USP28: variants seen among roughly 807,000 people sequenced by gnomAD.
The protein encoded by USP28 is ubiquitin specific peptidase 28.
A neutral mutation model predicts 145.0 loss-of-function variants in USP28; 113 were observed. The observed-to-expected ratio is 0.78, with a 90% confidence interval of 0.67 to 0.91. USP28 has a LOEUF of 0.91. USP28 is among the 40% of genes least tolerant of loss of function. The pLI is 0.00. For missense variants in USP28, 1,201 were observed against 1,289.6 expected, an observed-to-expected ratio of 0.93 and a Z score of 1.05; for synonymous variants, 447 against 450.9, an observed-to-expected ratio of 0.99 and a Z score of 0.11.
chr11:113,850,657 G>C (rs1003632244), intron 3 of USP28, among the ~76,000 whole-genome samples: 5 of 152,168 alleles, frequency 3.3e-5, no homozygotes, highest in Admixed American at 1.3e-4. Context: ...GTGGCTTCCA[G>C]AGTCCCATTC....
intron 16 of USP28, among the ~76,000 whole-genome samples, chr11:113,810,805 G>A (rs1363613940): frequency 6.6e-6 from 1 of 152,196 alleles, no homozygotes; most frequent in East Asian, 1.9e-4. Flanking sequence ...CTCCCAAGTA[G>A]GTGGGATTAC....
intron 18 of USP28, among the ~76,000 whole-genome samples, chr11:113,807,400 C>T (rs982658328): frequency 5.3e-5 from 8 of 151,548 alleles, no homozygotes; most frequent in Non-Finnish European, 1.5e-5. Context: ...TTTTTAAATA[C>T]CCCACAGAAA....
At chr11:113,810,319 C>T (rs956475795) in intron 16 of USP28, among the ~76,000 whole-genome samples, 1 of 152,094 alleles carries the variant, frequency 6.6e-6, no homozygotes. Context: ...GCTTTAATGG[C>T]AAGGATATCA....
At chr11:113,815,124 C>CA (rs1941531410) in intron 14 of USP28, 50 bp downstream of exon 14, 1 of 1,565,306 alleles carries the variant, frequency 6.4e-7, no homozygotes, top group Non-Finnish European at 8.8e-7. Context: ...TCCAAATAGT[C>CA]AAAAAACAGA....
At chr11:113,804,840 G>C in intron 20 of USP28, 28 bp downstream of exon 21, 1 of 1,611,630 alleles carries the variant, frequency 6.2e-7, no homozygotes, top group Non-Finnish European at 8.5e-7. Flanking sequence ...CCCAGACCAA[G>C]GGATTCACCT....
intron 5 of USP28, among the ~76,000 whole-genome samples, chr11:113,837,070 G>A (rs1370207977): frequency 1.3e-5 from 2 of 152,072 alleles, no homozygotes; most frequent in African/African-American, 4.8e-5. Flanking sequence ...ACTGCAACCT[G>A]TTCCCACCTC....
intron 1 of USP28, among the ~76,000 whole-genome samples, chr11:113,855,690 G>A (rs1041501396): frequency 6.6e-6 from 1 of 152,196 alleles, no homozygotes; most frequent in African/African-American, 2.4e-5. Context: ...GCCAGGGTGG[G>A]CAGATCACTT....
intron 12 of USP28, 149 bp from the exon 13 acceptor site, chr11:113,817,986 A>G (rs1942005586): frequency 1.8e-5 from 13 of 722,888 alleles, no homozygotes; most frequent in Non-Finnish European, 2.7e-5. Flanking sequence ...CAAACAATCT[A>G]TAGGGTAAAA....
Position 113,801,482 on chromosome 11 carries a change from C to T in USP28, c.3058+1G>A. 1.3e-6 allele frequency: 2 copies of T among 1,568,206 alleles called. No homozygotes were observed. Among genetic ancestry groups the T allele is most frequent in the Non-Finnish European group, 1.7e-6 (2 of 1,146,998 alleles). On this transcript the variant is annotated splice_donor_variant, in intron 24 of 24. Transcript: ENST00000003302. LOFTEE classifies it high-confidence loss of function. Reference sequence around the variant, plus strand: ...AGAATATTATTACCAAGAGCATATACCTGCAATATCTTGCCCAAGGTAAGA... The same window carrying T: ...AGAATATTATTACCAAGAGCATATATCTGCAATATCTTGCCCAAGGTAAGA...
At chr11:113,806,566 T>G in exon 19 of USP28, 1 of 1,588,854 alleles carries the variant, frequency 6.3e-7, no homozygotes. Flanking sequence ...ACCCCTTGCA[T>G]GGCAGGGCTC....
In USP28 at chr11:113,805,928, A is replaced by C. The variant is rs1051037305; in HGVS notation, c.2400+561T>G. On this transcript the variant is annotated intron_variant, in intron 19 of 24. Coordinates refer to ENST00000003302, the Ensembl canonical transcript of USP28. ...AGTCTCATATTTCACTTCACAGAAGACTTTTTTTTTATTTTTTGGAGACAG... is the reference window on the plus strand; with the variant it reads ...AGTCTCATATTTCACTTCACAGAAGCCTTTTTTTTTATTTTTTGGAGACAG... Among the ~76,000 whole-genome samples, 3 of 152,168 alleles carry C rather than the reference A, an allele frequency of 2.0e-5. No individual in the cohort carries two copies. In the South Asian group the frequency reaches 6.2e-4, roughly 32 times the overall value.
At chr11:113,809,402 C>G in intron 16 of USP28, 148 bp from the exon 17 acceptor site, 4 of 794,420 alleles carry the variant, frequency 5.0e-6, no homozygotes, top group Non-Finnish European at 8.0e-6. Context: ...GGCTGAGTAT[C>G]TCTTATCCAA....
chr11:113,830,627 C>T (rs1943873580), intron 9 of USP28, among the ~76,000 whole-genome samples: 1 of 152,070 alleles, frequency 6.6e-6, no homozygotes, highest in Admixed American at 6.6e-5. Context: ...TTGGGCTGTG[C>T]AAGTATTAAT....
chr11:113,848,710 G>A (rs544518339), intron 3 of USP28, among the ~76,000 whole-genome samples: 3 of 152,312 alleles, frequency 2.0e-5, no homozygotes, highest in African/African-American at 7.2e-5. Flanking sequence ...TACTGTATCT[G>A]CCTGGAGAAT....
At chr11:113,839,967 G>A (rs1229731909) in intron 5 of USP28, among the ~76,000 whole-genome samples, 1 of 152,168 alleles carries the variant, frequency 6.6e-6, no homozygotes, top group African/African-American at 2.4e-5. Flanking sequence ...AGTGAGCTGA[G>A]ATCGCACCAC....
intron 13 of USP28, 132 bp from the exon 14 acceptor site, chr11:113,815,514 C>CCTTTAT: frequency 1.3e-6 from 1 of 769,710 alleles, no homozygotes; most frequent in South Asian, 1.9e-5. Context: ...TATAAAGGTA[C>CCTTTAT]AGAGCCAACC....
chr11:113,812,256 T>G lies in USP28; in HGVS notation c.1972+20A>C. 6.2e-7 allele frequency: 1 copy of G among 1,602,138 alleles called. No individual in the cohort carries two copies. Among genetic ancestry groups the G allele is most frequent in the South Asian group, 1.1e-5 (1 of 90,736 alleles). ...GTACAGATTTTCCCCAATCTATAGA[T>G]TCTGCCAAGATACTTTTACCTGCAT... On this transcript the variant is annotated intron_variant, in intron 16 of 24. Coordinates refer to ENST00000003302, the Ensembl canonical transcript of USP28.
At chr11:113,817,970 G>A in intron 12 of USP28, 133 bp from the exon 13 acceptor site, 1 of 897,092 alleles carries the variant, frequency 1.1e-6, no homozygotes, top group South Asian at 2.2e-5. Context: ...TATTTAATAG[G>A]GTCCTCAAAC....
intron 1 of USP28, among the ~76,000 whole-genome samples, chr11:113,873,347 G>T (rs1949014814): frequency 6.6e-6 from 1 of 152,194 alleles, no homozygotes; most frequent in African/African-American, 2.4e-5. Flanking sequence ...TCACTGGGAA[G>T]AACAGTAAAT....
Sources: allele counts gnomAD v4.1 joint callset (sites outside exome capture counted in the v4.1 genomes callset), GRCh38; gene constraint gnomAD v4.1.1; transcripts MANE v1.5; gene names NCBI Gene and HGNC (gene_info 2026-07-23, HGNC 2026-07-21).